Variants in MBNL2 observed in about 807,000 individuals in gnomAD.
MBNL2 encodes muscleblind-like protein 2.
In MBNL2, 17 loss-of-function variants were observed where a neutral mutation model predicts 41.9. The observed-to-expected ratio is 0.41, with a 90% confidence interval of 0.28 to 0.61. MBNL2 has a LOEUF of 0.61. Among genes scored for constraint, MBNL2 ranks in the 20% least tolerant of loss-of-function variants. The probability of loss-of-function intolerance (pLI) is 0.35; values close to 1 mark genes in which losing one functional copy is unlikely to be tolerated. For synonymous variants in MBNL2, 195 were observed against 182.9 expected (o/e 1.07, Z -0.53); for missense variants, 336 against 505.6 (o/e 0.66, Z 3.22).
chr13:97,294,125 TTTTAA>T (rs1207193827), intron 2 of MBNL2, among the ~76,000 whole-genome samples: 9 of 152,246 alleles, frequency 5.9e-5, no homozygotes, highest in African/African-American at 2.2e-4. Flanking sequence ...TGAATTTCAT[TTTTAA>T]TTTGAATTAA....
At chr13:97,319,772 G>A (rs1435847288) in intron 2 of MBNL2, among the ~76,000 whole-genome samples, 1 of 152,172 alleles carries the variant, frequency 6.6e-6, no homozygotes, top group African/African-American at 2.4e-5. Context: ...GATCTTCAGA[G>A]ACCCAGTAGC....
At chr13:97,205,656 G>A in the MBNL2 span, among the ~76,000 whole-genome samples, 1 of 152,152 alleles carries the variant, frequency 6.6e-6, no homozygotes, top group Non-Finnish European at 1.5e-5. Flanking sequence ...AATACAATCT[G>A]TCAGAAGGTG....
At chr13:97,348,535 T>G (rs1594247636) in intron 5 of MBNL2, among the ~76,000 whole-genome samples, 1 of 152,178 alleles carries the variant, frequency 6.6e-6, no homozygotes, top group Non-Finnish European at 1.5e-5. Context: ...TCAAAAAATT[T>G]TATGAGACCA....
chr13:97,254,336 A>C (rs1351252106), intron 1 of MBNL2, among the ~76,000 whole-genome samples: 1 of 152,256 alleles, frequency 6.6e-6, no homozygotes, highest in Non-Finnish European at 1.5e-5. Flanking sequence ...ATAAACTATA[A>C]CTTACACATA....
At chr13:97,387,605 T>C (rs1296317016) in intron 8 of MBNL2, among the ~76,000 whole-genome samples, 2 of 152,194 alleles carry the variant, frequency 1.3e-5, no homozygotes, top group South Asian at 2.1e-4. Context: ...TTGGAACCTC[T>C]GTGTCCCGTC....
At chr13:97,375,392 T>C (rs1015860124) in intron 8 of MBNL2, among the ~76,000 whole-genome samples, 2 of 152,206 alleles carry the variant, frequency 1.3e-5, no homozygotes, top group African/African-American at 4.8e-5. Flanking sequence ...CAAACGTTGC[T>C]GCTGGGAAAG....
At chr13:97,332,477 C>T (rs542978844) in intron 2 of MBNL2, among the ~76,000 whole-genome samples, 1 of 152,114 alleles carries the variant, frequency 6.6e-6, no homozygotes, top group South Asian at 2.1e-4. Flanking sequence ...AAGCAATTGT[C>T]AAGGAAGAAA....
chr13:97,336,120 A>G (rs1190482479), intron 3 of MBNL2, among the ~76,000 whole-genome samples: 1 of 152,220 alleles, frequency 6.6e-6, no homozygotes, highest in Non-Finnish European at 1.5e-5. Flanking sequence ...GCTGTTAACT[A>G]TTAGTTGAAC....
chr13:97,385,999 A>G (rs978097531), intron 8 of MBNL2, among the ~76,000 whole-genome samples: 17 of 152,356 alleles, frequency 1.1e-4, no homozygotes, highest in African/African-American at 3.6e-4. Context: ...TAAATCCATC[A>G]TCACATGGCA....
chr13:97,143,151 T>C, the MBNL2 span, among the ~76,000 whole-genome samples: 1 of 152,158 alleles, frequency 6.6e-6, no homozygotes, highest in Non-Finnish European at 1.5e-5. Context: ...AAAATAAAAA[T>C]AAAAAATCCT....
At chr13:97,216,088 CCTA>C in the MBNL2 span, among the ~76,000 whole-genome samples, 2 of 152,150 alleles carry the variant, frequency 1.3e-5, no homozygotes, top group African/African-American at 2.4e-5. Flanking sequence ...TGCCTCTAGA[CCTA>C]CTGGAGAAAA....
chr13:97,287,055 GCTGA>G lies in MBNL2; in HGVS notation c.174+10649_174+10652del, dbSNP rs368466273. The stretch of plus-strand genomic sequence containing the variant: ...CAATAAAATTCAAATCGCTTTTCTG[GCTGA>G]CTATTACTCAGTTTTTCCCATTAAT... On this transcript the variant is annotated intron_variant, in intron 2 of 8. Transcript: ENST00000679496. Among the ~76,000 whole-genome samples, 404 of 152,216 alleles carry G rather than the reference GCTGA, an allele frequency of 2.7e-3. 4 individuals are homozygous for G. Among genetic ancestry groups the G allele is most frequent in the African/African-American group, 9.1e-3 (376 of 41,526 alleles).
chr13:97,189,641 T>C, the MBNL2 span, among the ~76,000 whole-genome samples: 1 of 152,248 alleles, frequency 6.6e-6, no homozygotes, highest in Admixed American at 6.5e-5. Context: ...TGTATGTGTG[T>C]CCATTTGCAT....
Position 97,268,261 on chromosome 13 carries a change from G to C in MBNL2, c.-604-7371G>C, listed in dbSNP as rs1019357064. Among the ~76,000 whole-genome samples the C allele has an allele frequency of 3.3e-5, 5 of 152,208 alleles. No homozygotes were observed. The highest frequency in any genetic ancestry group is 1.2e-4 in the African/African-American group (5 of 41,528). On this transcript the variant is annotated intron_variant, in intron 1 of 8. Transcript: ENST00000679496. The surrounding 1 kb of genome is among the most constrained non-coding windows in gnomAD (Gnocchi z 4.6). ...AGGCGTGCGCCACCATGCACGCCCG[G>C]CTAAATTTTTTTCTATTTTTTGTAG...
At chr13:97,319,178 AAG>A (rs1351441362) in intron 2 of MBNL2, among the ~76,000 whole-genome samples, 1 of 152,112 alleles carries the variant, frequency 6.6e-6, no homozygotes, top group Non-Finnish European at 1.5e-5. Flanking sequence ...TGGAGGCAAA[AAG>A]AGAAGCCTGC....
At chr13:97,213,788 G>A in the MBNL2 span, among the ~76,000 whole-genome samples, 5 of 152,336 alleles carry the variant, frequency 3.3e-5, no homozygotes, top group Admixed American at 6.5e-5. Flanking sequence ...AAGAGATGGA[G>A]AGGGGAATAG....
chr13:97,373,617 T>TATATATATATA (rs2064626509), intron 8 of MBNL2, among the ~76,000 whole-genome samples: 1 of 150,160 alleles, frequency 6.7e-6, no homozygotes, highest in Non-Finnish European at 1.5e-5. Context: ...TATATATATA[T>TATATATATATA]ATATATATTA....
chr13:97,233,128 T>C (rs2042650481), intron 1 of MBNL2, among the ~76,000 whole-genome samples: 1 of 18,348 alleles, frequency 5.5e-5, no homozygotes, highest in South Asian at 3.0e-3. Context: ...CTCTTTTTCA[T>C]ATATATATAT....
chr13:97,197,034 C>A, the MBNL2 span, among the ~76,000 whole-genome samples: 1 of 152,292 alleles, frequency 6.6e-6, no homozygotes, highest in East Asian at 1.9e-4. Flanking sequence ...AGTGATACTG[C>A]AAATTAAAAA....
Sources: allele counts gnomAD v4.1 joint callset (sites outside exome capture counted in the v4.1 genomes callset), GRCh38; gene constraint gnomAD v4.1.1; non-coding constraint Gnocchi (gnomAD v3.1); transcripts MANE v1.5; gene names NCBI Gene and HGNC (gene_info 2026-07-23, HGNC 2026-07-21).